Variants in FNIP2 observed in about 807,000 individuals in gnomAD.
FNIP2 encodes the protein folliculin-interacting protein 2.
In FNIP2, 32 loss-of-function variants were observed where a neutral mutation model predicts 108.7. That is an observed-to-expected ratio of 0.29 (90% confidence interval 0.22 to 0.40). The LOEUF (loss-of-function observed/expected upper bound fraction) is 0.40, where lower values mean the gene tolerates loss of function less well. FNIP2 is among the 10% of genes least tolerant of loss of function. The pLI is 1.00. For missense variants in FNIP2, 1,202 were observed against 1,381.6 expected (o/e 0.87, Z 2.06); for synonymous variants, 480 against 496.7 (o/e 0.97, Z 0.45).
intron 10 of FNIP2, 50 bp downstream of exon 10, chr4:158,859,716 C>T: frequency 6.9e-7 from 1 of 1,443,458 alleles, no homozygotes; most frequent in South Asian, 1.2e-5. Context: ...TATGAGCAGC[C>T]ATGGATAAAG....
At chr4:158,852,273 A>G (rs1029347803) in intron 8 of FNIP2, among the ~76,000 whole-genome samples, 6 of 152,214 alleles carry the variant, frequency 3.9e-5, no homozygotes, top group African/African-American at 1.4e-4. Context: ...CCTGGAAGAG[A>G]TGACACTGCA....
intron 1 of FNIP2, among the ~76,000 whole-genome samples, chr4:158,777,065 C>T (rs757321916): frequency 6.6e-6 from 1 of 152,166 alleles, no homozygotes; most frequent in Admixed American, 6.5e-5. Context: ...TTTAAGAAGA[C>T]ACTTGCCTAA....
intron 7 of FNIP2, among the ~76,000 whole-genome samples, chr4:158,845,626 G>A (rs1369358445): frequency 6.6e-6 from 1 of 152,172 alleles, no homozygotes; most frequent in Non-Finnish European, 1.5e-5. Flanking sequence ...AGCATTGCAT[G>A]CATTGCATCA....
At chr4:158,811,703 T>C (rs1363088046) in intron 1 of FNIP2, among the ~76,000 whole-genome samples, 1 of 152,162 alleles carries the variant, frequency 6.6e-6, no homozygotes, top group East Asian at 1.9e-4. Flanking sequence ...GGGGTAATTC[T>C]AACAATGAGC....
intron 1 of FNIP2, among the ~76,000 whole-genome samples, chr4:158,809,465 A>T (rs906979730): frequency 4.6e-5 from 7 of 151,462 alleles, no homozygotes; most frequent in African/African-American, 1.7e-4. Context: ...TCTCAAAAAA[A>T]TAAAATCTAG....
chr4:158,846,102 T>G (rs193149470), intron 7 of FNIP2, among the ~76,000 whole-genome samples: 408 of 152,296 alleles, frequency 2.7e-3, no homozygotes, highest in African/African-American at 9.4e-3. Flanking sequence ...AAGCTAACAT[T>G]TATCGTGTGG....
intron 1 of FNIP2, among the ~76,000 whole-genome samples, chr4:158,783,554 A>G (rs1210287604): frequency 1.3e-5 from 2 of 152,192 alleles, no homozygotes; most frequent in African/African-American, 4.8e-5. Flanking sequence ...AATATTTGGC[A>G]TGTGGATCTA....
At chr4:158,801,571 C>T (rs1044107350) in intron 1 of FNIP2, among the ~76,000 whole-genome samples, 3 of 152,168 alleles carry the variant, frequency 2.0e-5, no homozygotes, top group African/African-American at 7.2e-5. Context: ...ATACCTTGGG[C>T]CAGTTCCTTA....
chr4:158,834,374 T>TATAGTCATC (rs1393711792), intron 6 of FNIP2: 9 of 149,058 alleles, frequency 6.0e-5, no homozygotes, highest in Admixed American at 4.7e-4. Flanking sequence ...TATTTACAGG[T>TATAGTCATC]ATAGTCATCT....
At chr4:158,793,686 A>G (rs1776493663) in intron 1 of FNIP2, among the ~76,000 whole-genome samples, 1 of 152,116 alleles carries the variant, frequency 6.6e-6, no homozygotes, top group South Asian at 2.1e-4. Flanking sequence ...AGAGGTAATG[A>G]TTCCTCTCAG....
rs1777445556 is a variant in FNIP2, at chr4:158,814,319, TA to T, written c.108-11595del. On this transcript the variant is annotated intron_variant, in intron 1 of 16. Coordinates refer to ENST00000264433, the MANE Select transcript of FNIP2 (RefSeq NM_020840.3). ...TCCTGACTTAGCCACTTACTGGACA[TA>T]ACCTTGTTAAAGTCTCCTAACTTCC... Among the ~76,000 whole-genome samples, 3 of 152,380 alleles carry T rather than the reference TA, an allele frequency of 2.0e-5. No homozygotes were observed. In the South Asian group the frequency reaches 6.2e-4, roughly 32 times the overall value.
chr4:158,804,072 G>T (rs982250637), intron 1 of FNIP2, among the ~76,000 whole-genome samples: 2 of 152,064 alleles, frequency 1.3e-5, no homozygotes, highest in African/African-American at 4.8e-5. Flanking sequence ...CGAGTAGCTG[G>T]GACTATAGGC....
chr4:158,897,037 C>T (rs2126788208), intron 16 of FNIP2, among the ~76,000 whole-genome samples: 1 of 152,082 alleles, frequency 6.6e-6, no homozygotes, highest in African/African-American at 2.4e-5. Flanking sequence ...TGATGTTCCC[C>T]TTCCTGTGTG....
intron 1 of FNIP2, among the ~76,000 whole-genome samples, chr4:158,809,026 CT>C (rs1468742038): frequency 2.0e-5 from 3 of 152,208 alleles, no homozygotes; most frequent in African/African-American, 7.2e-5. Flanking sequence ...TCCATTCCCC[CT>C]AACCTCTATA....
chr4:158,861,810 T>C, intron 12 of FNIP2, 34 bp downstream of exon 12: 2 of 1,606,184 alleles, frequency 1.2e-6, no homozygotes, highest in South Asian at 1.1e-5. Context: ...AGAGAATATA[T>C]GGGATGGAAT....
chr4:158,825,923 T>A lies in FNIP2; in HGVS notation c.115T>A (p.Cys39Ser), dbSNP rs371988498. 2.2e-5 allele frequency: 36 copies of A among 1,606,356 alleles called. No individual in the cohort carries two copies. The highest frequency in any genetic ancestry group is 2.8e-5 in the Non-Finnish European group (33 of 1,173,944). The stretch of plus-strand genomic sequence containing the variant: ...GCCCTTTTTAATCCACAGTTGGTCA[T>A]GTTCGGAGTTTGACCTGAATGAGAT... ...PKEGPAFSWS[C>S]SEFDLNEIRL... The change falls in exon 2 of 17, where the codon TGT (cysteine) becomes AGT (serine). Residue 39 changes from cysteine (C) to serine (S), a missense_variant. Physicochemically the swap from Cys to Ser is moderately radical, Grantham distance 112. This residue lies in a region of FNIP2 where 173 missense variants were observed against 165.9 expected (regional missense o/e 1.04). Coordinates refer to ENST00000264433, the MANE Select transcript of FNIP2 (RefSeq NM_020840.3).
rs796978385 is a variant in FNIP2, at chr4:158,828,265, A to G, written c.235-814A>G. Among the ~76,000 whole-genome samples, 21 of 152,098 alleles carry G rather than the reference A, an allele frequency of 1.4e-4. No homozygotes were observed. The East Asian group carries it at 2.9e-3, about 21-fold the overall frequency. On this transcript the variant is annotated intron_variant, in intron 2 of 16. Transcript: ENST00000264433. ...TTTGGTTTCATCCCTTACAAATTCA[A>G]CCTCATGATTTTCCTTCCTGTTACC...
intron 16 of FNIP2, among the ~76,000 whole-genome samples, chr4:158,896,564 A>C (rs1579000161): frequency 1.3e-5 from 2 of 152,264 alleles, no homozygotes; most frequent in South Asian, 2.1e-4. Context: ...AATATTTATA[A>C]TGTCGACGTT....
chr4:158,772,009 TG>T (rs984722072), intron 1 of FNIP2, among the ~76,000 whole-genome samples: 3 of 152,230 alleles, frequency 2.0e-5, no homozygotes, highest in Non-Finnish European at 4.4e-5. Flanking sequence ...TCATGTTTCC[TG>T]GCATTTCATC....
Sources: allele counts gnomAD v4.1 joint callset (sites outside exome capture counted in the v4.1 genomes callset), GRCh38; gene constraint gnomAD v4.1.1; regional missense constraint gnomAD v4.1.1; transcripts MANE v1.5; gene names NCBI Gene and HGNC (gene_info 2026-07-23, HGNC 2026-07-21).